SGIP1: variants seen among roughly 807,000 people sequenced by gnomAD.
SGIP1 encodes the protein SH3-containing GRB2-like protein 3-interacting protein 1.
A neutral mutation model predicts 107.5 loss-of-function variants in SGIP1; 38 were observed. The observed-to-expected ratio is 0.35, with a 90% confidence interval of 0.27 to 0.46. SGIP1 has a LOEUF of 0.46. Ranked by LOEUF, SGIP1 falls within the 20% of genes least tolerant of loss-of-function variation. The pLI is 1.00. For synonymous variants in SGIP1, 365 were observed against 366.1 expected (o/e 1.00, Z 0.03); for missense variants, 929 against 1,019.5 (o/e 0.91, Z 1.21).
intron 1 of SGIP1, among the ~76,000 whole-genome samples, chr1:66,558,854 C>T (rs1267304041): frequency 1.3e-5 from 2 of 151,024 alleles, no homozygotes; most frequent in Non-Finnish European, 2.9e-5. Context: ...CATTCTTTGT[C>T]ACTTGGGTTC....
At chr1:66,688,915 G>A (rs565565831) in intron 15 of SGIP1, among the ~76,000 whole-genome samples, 5 of 152,034 alleles carry the variant, frequency 3.3e-5, no homozygotes, top group East Asian at 1.9e-4. Context: ...CTTTCACTGG[G>A]TGTCACATGA....
chr1:66,712,257 C>T (rs913568566), intron 18 of SGIP1, among the ~76,000 whole-genome samples: 3 of 152,122 alleles, frequency 2.0e-5, no homozygotes, highest in Non-Finnish European at 4.4e-5. Context: ...CTGAGGGAGC[C>T]ACTAGTTTGA....
In SGIP1 at chr1:66,729,385, G is replaced by T; in HGVS notation, c.1864G>T (p.Glu622Ter). The T allele has an allele frequency of 6.2e-7, 1 of 1,614,060 alleles. No homozygotes were observed. Among genetic ancestry groups the T allele is most frequent in the Non-Finnish European group, 8.5e-7 (1 of 1,179,984 alleles). Residue 622 changes from glutamate to a stop codon, truncating the protein, a stop_gained, in exon 20 of 25, where the codon GAA becomes TAA. Coordinates refer to ENST00000371037, the MANE Select transcript of SGIP1 (RefSeq NM_032291.4). LOFTEE classifies it high-confidence loss of function. ...TFRVINFSRLEHVLPNPQLLC... is the reference protein window; with the variant it reads ...TFRVINFSRL The stretch of plus-strand genomic sequence containing the variant: ...TCGGGTGATAAATTTCAGCAGGTTA[G>T]AACACGTCCTGCCAAACCCCCAACT...
intron 9 of SGIP1, among the ~76,000 whole-genome samples, chr1:66,669,623 A>G (rs2083329045): frequency 6.6e-6 from 1 of 152,214 alleles, no homozygotes; most frequent in Non-Finnish European, 1.5e-5. Context: ...CTGTATCCAA[A>G]CTTCCATAAT....
intron 1 of SGIP1, among the ~76,000 whole-genome samples, chr1:66,607,301 C>T (rs2067036904): frequency 6.6e-6 from 1 of 152,212 alleles, no homozygotes; most frequent in Non-Finnish European, 1.5e-5. Context: ...GGAGTTTTAT[C>T]ACCCACAGTG....
intron 23 of SGIP1, 135 bp from the exon 24 acceptor site, chr1:66,741,137 T>C (rs958686541): frequency 1.1e-6 from 1 of 935,300 alleles, no homozygotes; most frequent in Non-Finnish European, 1.5e-6. Flanking sequence ...TAATATTCAA[T>C]GATAAACTCA....
At chr1:66,549,177 TC>T (rs2057006398) in intron 1 of SGIP1, among the ~76,000 whole-genome samples, 1 of 151,408 alleles carries the variant, frequency 6.6e-6, no homozygotes, top group Non-Finnish European at 1.5e-5. Context: ...CTTCCTTCCT[TC>T]CTTCCTTCCT....
At chr1:66,689,608 C>A (rs2089350347) in intron 16 of SGIP1, among the ~76,000 whole-genome samples, 1 of 152,144 alleles carries the variant, frequency 6.6e-6, no homozygotes, top group African/African-American at 2.4e-5. Context: ...GAGGGCAAAT[C>A]CTGGTTTCTG....
chr1:66,615,142 G>GT (rs903467070), intron 1 of SGIP1, among the ~76,000 whole-genome samples: 8 of 148,460 alleles, frequency 5.4e-5, no homozygotes, highest in East Asian at 2.0e-4. Flanking sequence ...GTTTTGTTTT[G>GT]TTTTTTTCCG....
chr1:66,589,593 A>G (rs1023555292), intron 1 of SGIP1, among the ~76,000 whole-genome samples: 10 of 152,138 alleles, frequency 6.6e-5, no homozygotes, highest in African/African-American at 2.4e-4. Flanking sequence ...TGCCTGTGGT[A>G]AAAACCCAAA....
intron 1 of SGIP1, among the ~76,000 whole-genome samples, chr1:66,605,615 C>T (rs971243602): frequency 2.0e-5 from 3 of 151,446 alleles, no homozygotes; most frequent in Non-Finnish European, 2.9e-5. Context: ...TCTCAGAGCC[C>T]TTAACAAACA....
At chr1:66,556,533 G>T (rs550006551) in intron 1 of SGIP1, among the ~76,000 whole-genome samples, 1 of 152,162 alleles carries the variant, frequency 6.6e-6, no homozygotes, top group African/African-American at 2.4e-5. Flanking sequence ...TTGCTTCCAG[G>T]CTTGCAATGG....
intron 18 of SGIP1, among the ~76,000 whole-genome samples, chr1:66,700,248 G>C (rs111797258): frequency 6.6e-6 from 1 of 152,004 alleles, no homozygotes; most frequent in South Asian, 2.1e-4. Flanking sequence ...GCACGTGCCT[G>C]TAATCCCAGC....
rs1466578141 is a variant in SGIP1 at position 66,748,144 on chromosome 1, T to C, written c.*5049T>C. ...ATTTTCCCTGCTCCTTTAGGCTTTT[T>C]TTTCATGTGGAAAACAGTATCTAAA... On this transcript the variant is annotated 3_prime_UTR_variant, in exon 25 of 25. Coordinates refer to ENST00000371037, the MANE Select transcript of SGIP1 (RefSeq NM_032291.4). 6.6e-6 allele frequency: 1 copy of C among 152,006 alleles called. No individual in the cohort carries two copies. Among genetic ancestry groups the C allele is most frequent in the Admixed American group, 6.6e-5 (1 of 15,254 alleles). The allele number at this position is 152,006 out of a possible 1,614,324, so 9.4% of individuals were successfully genotyped here. A position where few individuals can be genotyped will look rare whatever the true frequency, so the allele number is the denominator to read the frequency against.
At chr1:66,583,115 T>C (rs1257822441) in intron 1 of SGIP1, among the ~76,000 whole-genome samples, 1 of 152,074 alleles carries the variant, frequency 6.6e-6, no homozygotes, top group African/African-American at 2.4e-5. Flanking sequence ...TACAAAGTAT[T>C]TCTCAAGGAG....
chr1:66,560,073 G>C (rs550301264), intron 1 of SGIP1, among the ~76,000 whole-genome samples: 67 of 152,100 alleles, frequency 4.4e-4, no homozygotes, highest in Non-Finnish European at 8.2e-4. Context: ...TTTATTTCAA[G>C]AAGAGCAATA....
intron 18 of SGIP1, among the ~76,000 whole-genome samples, chr1:66,703,467 A>C (rs2092177316): frequency 6.6e-6 from 1 of 151,908 alleles, no homozygotes; most frequent in African/African-American, 2.4e-5. Flanking sequence ...TAGTATTAGA[A>C]AGATTCCTCA....
intron 15 of SGIP1, among the ~76,000 whole-genome samples, chr1:66,685,164 T>C (rs2087882477): frequency 6.6e-6 from 1 of 152,242 alleles, no homozygotes; most frequent in African/African-American, 2.4e-5. Context: ...ACATTAGGCC[T>C]GATTAAACTA....
intron 1 of SGIP1, among the ~76,000 whole-genome samples, chr1:66,548,688 T>C (rs1017812118): frequency 2.0e-5 from 3 of 152,150 alleles, no homozygotes; most frequent in African/African-American, 7.2e-5. Flanking sequence ...AAGATAGAAA[T>C]ACTTAAGAGA....
Sources: gnomAD v4.1 joint callset for allele counts (sites outside exome capture counted in the v4.1 genomes callset) on GRCh38, gnomAD v4.1.1 for gene constraint, MANE v1.5 for transcripts, NCBI Gene and HGNC (gene_info 2026-07-23, HGNC 2026-07-21) for gene names.